The following SLC6A12 variants were observed in gnomAD, a reference collection of about 807,000 sequenced individuals.
The protein encoded by SLC6A12 is sodium- and chloride-dependent betaine transporter.
In SLC6A12, 50 loss-of-function variants were observed where a neutral mutation model predicts 73.3. The ratio of observed to expected loss-of-function variants is 0.68; its 90% CI spans 0.54 to 0.86. SLC6A12 has a LOEUF of 0.86. Ranked by LOEUF, SLC6A12 falls within the 40% of genes least tolerant of loss-of-function variation. The pLI, the probability that SLC6A12 is intolerant of heterozygous loss-of-function variation, is 0.00. For synonymous variants in SLC6A12, 304 were observed against 309.2 expected (o/e 0.98, Z 0.18); for missense variants, 648 against 772.8 (o/e 0.84, Z 1.92).
downstream of SLC6A12, among the ~76,000 whole-genome samples, chr12:185,896 C>T (rs947108353): frequency 3.3e-5 from 5 of 152,256 alleles, no homozygotes; most frequent in Non-Finnish European, 7.3e-5. Context: ...ATGGCCGCTG[C>T]ATCAATGGGT....
chr12:194,590 C>T (rs114061268), intron 13 of SLC6A12, among the ~76,000 whole-genome samples: 2,010 of 152,334 alleles, frequency 0.013, 31 homozygotes, highest in African/African-American at 0.036. Context: ...CAGCCTGGCA[C>T]GCAGTCATGC....
downstream of SLC6A12, among the ~76,000 whole-genome samples, chr12:188,632 C>T (rs1939487958): frequency 6.6e-6 from 1 of 152,316 alleles, no homozygotes; most frequent in South Asian, 2.1e-4. Flanking sequence ...AAAAGCAAAC[C>T]CAAATCACGA....
downstream of SLC6A12, among the ~76,000 whole-genome samples, chr12:189,825 A>G (rs1394112412): frequency 1.7e-5 from 2 of 121,130 alleles, no homozygotes; most frequent in African/African-American, 7.6e-5. Flanking sequence ...TAAGGAGGGC[A>G]CCCCCACACC....
At chr12:207,237 C>T (rs1038654650) in intron 3 of SLC6A12, among the ~76,000 whole-genome samples, 4 of 152,264 alleles carry the variant, frequency 2.6e-5, no homozygotes, top group East Asian at 1.9e-4. Context: ...GGCGGCCCAG[C>T]GATGTCGCAC....
intron 12 of SLC6A12, 42 bp from the exon 13 acceptor site, chr12:195,369 C>T: frequency 7.9e-7 from 1 of 1,263,410 alleles, no homozygotes; most frequent in Non-Finnish European, 1.2e-6. Flanking sequence ...CAGTGCAGAG[C>T]TGGGACACAC....
chr12:195,410 C>T lies in SLC6A12; in HGVS notation c.1327-83G>A, dbSNP rs971813335. The T allele has an allele frequency of 5.8e-5, 52 of 892,062 alleles. No homozygotes were observed. In the African/African-American group the frequency reaches 5.9e-4, roughly 10 times the overall value. The allele number at this position is 892,062 out of a possible 1,614,324, so 55.3% of individuals were successfully genotyped here. A position where few individuals can be genotyped will look rare whatever the true frequency, so the allele number is the denominator to read the frequency against. ...CCCTCAGTGAGATGGCAAATGCCCA[C>T]GTGGGGTGCACTCCTGCCCGGCCTG... On this transcript the variant is annotated intron_variant, in intron 12 of 15. Transcript: ENST00000684302.
At position 190,961 on chromosome 12, in the gene SLC6A12, C is replaced by T; in HGVS notation, c.*107G>A. On this transcript the variant is annotated 3_prime_UTR_variant, in exon 16 of 16. Coordinates refer to ENST00000684302, the MANE Select transcript of SLC6A12 (RefSeq NM_001122848.3). ...GGTGCCTGTGGCTCTCCAGAGGTTC[C>T]CAGCAGGATTGTGGCAGGAGACAGA... 9.8e-7 allele frequency: 1 copy of T among 1,025,136 alleles called. No individual in the cohort carries two copies. The highest frequency in any genetic ancestry group is 1.3e-6 in the Non-Finnish European group (1 of 793,668). 63.5% of individuals were successfully genotyped at this position (1,025,136 alleles called of 1,614,324 possible).
chr12:202,490 G>A (rs1157433465), intron 5 of SLC6A12, among the ~76,000 whole-genome samples: 3 of 152,188 alleles, frequency 2.0e-5, no homozygotes, highest in Non-Finnish European at 2.9e-5. Flanking sequence ...GCGCACAAAT[G>A]AGTAAGTGGC....
intron 3 of SLC6A12, among the ~76,000 whole-genome samples, chr12:206,333 T>C (rs1422799363): frequency 6.6e-6 from 1 of 152,212 alleles, no homozygotes. Flanking sequence ...AATTATACAG[T>C]GCTTATCTCT....
In SLC6A12 at chr12:198,250, T is replaced by C. The variant is rs1565470351; in HGVS notation, c.847-247A>G. ...GAGTACCAAATACATGTGTGTTGCTTGGATTTCTCCAGGGGAATCTACAAA... is the reference window on the plus strand; with the variant it reads ...GAGTACCAAATACATGTGTGTTGCTCGGATTTCTCCAGGGGAATCTACAAA... On this transcript the variant is annotated intron_variant, in intron 8 of 15. Transcript: ENST00000684302. The surrounding 1 kb of genome is among the most constrained non-coding windows in gnomAD (Gnocchi z 4.0). 6.6e-6 allele frequency among the ~76,000 whole-genome samples: 1 copy of C among 152,254 alleles called. No homozygotes were observed. The highest frequency in any genetic ancestry group is 1.5e-5 in the Non-Finnish European group (1 of 68,048).
chr12:194,807 G>C (rs1314509874), intron 13 of SLC6A12, among the ~76,000 whole-genome samples: 1 of 152,188 alleles, frequency 6.6e-6, no homozygotes, highest in Non-Finnish European at 1.5e-5. Context: ...TGAGCTCCCT[G>C]TCCATGGAAG....
chr12:199,418 A>G (rs1455203769), intron 7 of SLC6A12, among the ~76,000 whole-genome samples: 1 of 152,164 alleles, frequency 6.6e-6, no homozygotes. Flanking sequence ...ACCCAGGGGA[A>G]TAGTGACCAG....
chr12:197,523 A>C, intron 9 of SLC6A12, 22 bp from the exon 10 acceptor site: 1 of 1,606,836 alleles, frequency 6.2e-7, no homozygotes, highest in Non-Finnish European at 8.5e-7. Flanking sequence ...GGGCAAGGGC[A>C]GACAGGAACG....
At chr12:200,857 T>A in intron 6 of SLC6A12, 74 bp from the exon 7 acceptor site, 1 of 1,499,084 alleles carries the variant, frequency 6.7e-7, no homozygotes, top group Non-Finnish European at 9.1e-7. Context: ...GCAAGTCTCC[T>A]GATTCTCAGA....
In SLC6A12 at chr12:198,874, C is replaced by G; in HGVS notation, c.769G>C (p.Gly257Arg). 1.2e-6 allele frequency: 2 copies of G among 1,614,170 alleles called. No homozygotes were observed. Among genetic ancestry groups the G allele is most frequent in the Non-Finnish European group, 8.5e-7 (1 of 1,180,032 alleles). Residue 257 changes from glycine (G) to arginine (R), a missense_variant, in exon 8 of 16, where the codon GGT becomes CGT. Transcript: ENST00000684302. The surrounding 1 kb of genome is among the most constrained non-coding windows in gnomAD (Gnocchi z 4.0). ...YLMLVILLIR[G>R]VTLPGAYQGI... ...TGGTAGGCTCCGGGAAGGGTGACAC[C>G]TCTGATCAGCAAAATGACAAGCATC... is the stretch of plus-strand genomic sequence containing the variant.
In SLC6A12 at chr12:198,865, G is replaced by A; in HGVS notation, c.778C>T (p.Leu260Phe). Residue 260 changes from leucine to phenylalanine, a missense_variant, in exon 8 of 16, where the codon CTT becomes TTT. Coordinates refer to ENST00000684302, the MANE Select transcript of SLC6A12 (RefSeq NM_001122848.3). This position sits in a 1 kb window ranked among gnomAD's most constrained non-coding sequence, Gnocchi z 4.0. Reference protein sequence around the residue: ...LVILLIRGVTLPGAYQGIIYY... With the variant: ...LVILLIRGVTFPGAYQGIIYY... ...ATGATGCCCTGGTAGGCTCCGGGAA[G>A]GGTGACACCTCTGATCAGCAAAATG... 1 of 1,614,142 alleles carries A rather than the reference G, an allele frequency of 6.2e-7. No individual in the cohort carries two copies. Among genetic ancestry groups the A allele is most frequent in the East Asian group, 2.2e-5 (1 of 44,864 alleles).
chr12:197,100 TCCATCCATCCATCCATCC>T (rs1939912732), intron 10 of SLC6A12, among the ~76,000 whole-genome samples: 1 of 52,982 alleles, frequency 1.9e-5, no homozygotes, highest in Non-Finnish European at 4.1e-5. Flanking sequence ...CATCCATCCA[TCCATCCATCCATCCATCC>T]ATCCATCCAT....
chr12:185,262 T>C (rs1939410959), downstream of SLC6A12, among the ~76,000 whole-genome samples: 1 of 152,208 alleles, frequency 6.6e-6, no homozygotes, highest in African/African-American at 2.4e-5. Flanking sequence ...ATGGCTACCC[T>C]CTGTCCTGCT....
At chr12:210,979 T>C (rs1940882619) in intron 2 of SLC6A12, among the ~76,000 whole-genome samples, 1 of 152,216 alleles carries the variant, frequency 6.6e-6, no homozygotes, top group South Asian at 2.1e-4. Flanking sequence ...ACAAATCCGC[T>C]TCTGTCAGGG....
Sources: gnomAD v4.1 joint callset for allele counts (sites outside exome capture counted in the v4.1 genomes callset) on GRCh38, gnomAD v4.1.1 for gene constraint, Gnocchi (gnomAD v3.1) non-coding constraint, MANE v1.5 for transcripts, NCBI Gene and HGNC (gene_info 2026-07-23, HGNC 2026-07-21) for gene names.